RB1: variants seen among roughly 807,000 people sequenced by gnomAD.
RB1 encodes the protein RB transcriptional corepressor 1, also known as retinoblastoma-associated protein.
Under a neutral mutation model 135.4 loss-of-function variants are expected in RB1, and 18 were observed. The ratio of observed to expected loss-of-function variants is 0.13; its 90% CI spans 0.09 to 0.20. The LOEUF is 0.20. RB1 is among the 10% of genes least tolerant of loss of function. RB1 has a pLI of 1.00. For synonymous variants in RB1, 365 were observed against 373.2 expected (o/e 0.98, Z 0.25); for missense variants, 868 against 1,110.0 (o/e 0.78, Z 3.10).
chr13:48,374,538 C>G (rs966987229), intron 12 of RB1, among the ~76,000 whole-genome samples: 5 of 152,150 alleles, frequency 3.3e-5, no homozygotes, highest in African/African-American at 1.2e-4. Flanking sequence ...TCATCATGTT[C>G]GTAATTGTTT....
chr13:48,347,840 A>T lies in RB1; in HGVS notation c.516A>T (p.Ile172=), dbSNP rs1179558571. 1 of 1,595,524 alleles carries T rather than the reference A, an allele frequency of 6.3e-7. No homozygotes were observed. Among genetic ancestry groups the T allele is most frequent in the Non-Finnish European group, 8.6e-7 (1 of 1,164,330 alleles). The change falls in exon 5 of 27, where the codon ATA becomes ATT. Residue 172 remains isoleucine (I), a synonymous_variant. Transcript: ENST00000267163. ...TTCTTTTCAGGACATGTGAACTTAT[A>T]TATTTGACACAACCCAGCAGTTCGT... ...FSKLERTCEL[I]YLTQPSSSIS...
chr13:48,317,630 T>C (rs1593420508), intron 2 of RB1: 2 of 496,024 alleles, frequency 4.0e-6, no homozygotes, highest in Non-Finnish European at 6.5e-6. Context: ...ACATTTCTCC[T>C]GCTCGCTGAG....
intron 1 of RB1, among the ~76,000 whole-genome samples, chr13:48,306,040 C>CA (rs1411481486): frequency 3.3e-5 from 5 of 151,828 alleles, no homozygotes; most frequent in Admixed American, 2.6e-4. Context: ...GAGGCTGAGG[C>CA]AGGAGGATCA....
chr13:48,430,219 G>A (rs1949115276), intron 17 of RB1, among the ~76,000 whole-genome samples: 1 of 152,078 alleles, frequency 6.6e-6, no homozygotes, highest in Non-Finnish European at 1.5e-5. Context: ...ATACCCAGGG[G>A]AATTTAATGT....
chr13:48,328,176 G>T (rs1259788148), intron 2 of RB1: 23 of 1,456,690 alleles, frequency 1.6e-5, no homozygotes, highest in Non-Finnish European at 5.8e-6. Flanking sequence ...TTTATTGAAG[G>T]AGTTTGGTCC....
intron 2 of RB1, among the ~76,000 whole-genome samples, chr13:48,322,471 C>A (rs887945821): frequency 1.3e-5 from 2 of 152,118 alleles, no homozygotes; most frequent in African/African-American, 4.8e-5. Context: ...ATGTCATTTG[C>A]AAATAGAGAT....
chr13:48,361,365 A>G (rs1436421900), intron 7 of RB1, among the ~76,000 whole-genome samples: 2 of 152,132 alleles, frequency 1.3e-5, no homozygotes, highest in East Asian at 1.9e-4. Context: ...TTTCAAATGA[A>G]TACAAAAATA....
intron 9 of RB1, among the ~76,000 whole-genome samples, chr13:48,365,282 A>T (rs1307105960): frequency 6.6e-6 from 1 of 152,232 alleles, no homozygotes; most frequent in Non-Finnish European, 1.5e-5. Context: ...TAATAGCTAA[A>T]TATAAACCAT....
At chr13:48,386,761 C>T (rs898976152) in intron 17 of RB1, among the ~76,000 whole-genome samples, 6 of 152,086 alleles carry the variant, frequency 3.9e-5, no homozygotes, top group East Asian at 3.8e-4. Context: ...CTGATGAAAT[C>T]GGTGGTGATA....
In RB1 at chr13:48,373,436, A is replaced by T. The variant is rs190689977; in HGVS notation, c.1159A>T (p.Met387Leu). 6 of 1,598,432 alleles carry T rather than the reference A, an allele frequency of 3.8e-6. No individual in the cohort carries two copies. In the African/African-American group the frequency reaches 8.0e-5, roughly 21 times the overall value. Residue 387 changes from methionine (M) to leucine (L), a missense_variant, in exon 12 of 27, where the codon ATG becomes TTG. By Grantham distance (15) the Met-to-Leu change is conservative (BLOSUM62 2). Transcript: ENST00000267163. ...TVMNTIQQLM[M>L]ILNSASDQPS... ...TATGAACACTATCCAACAATTAATGATGATTTTAAATTCAGCAAGTGATCA... is the reference window on the plus strand; with the variant it reads ...TATGAACACTATCCAACAATTAATGTTGATTTTAAATTCAGCAAGTGATCA...
At chr13:48,421,883 G>A (rs902296196) in intron 17 of RB1, among the ~76,000 whole-genome samples, 17 of 152,192 alleles carry the variant, frequency 1.1e-4, no homozygotes, top group African/African-American at 1.7e-4. Context: ...TGCTGGAGAG[G>A]ATGTGGAGAA....
intron 17 of RB1, among the ~76,000 whole-genome samples, chr13:48,438,584 T>C (rs1949206489): frequency 6.6e-6 from 1 of 152,026 alleles, no homozygotes; most frequent in Admixed American, 6.6e-5. Context: ...CTGTAAACTA[T>C]AGCATAAAAG....
At position 48,480,806 on chromosome 13, in the gene RB1, T is replaced by C. The variant is rs1949534088; in HGVS notation, c.*735T>C. On this transcript the variant is annotated 3_prime_UTR_variant, in exon 27 of 27. Transcript: ENST00000267163. ...CTGATTATTTTCTTCATCCAACTTA[T>C]GTTTTTAAATGAGGATTATTGATAG... is the stretch of plus-strand genomic sequence containing the variant. 3 of 227,056 alleles carry C rather than the reference T, an allele frequency of 1.3e-5. No homozygotes were observed. Among genetic ancestry groups the C allele is most frequent in the Non-Finnish European group, 2.6e-5 (3 of 113,938 alleles). 14.1% of individuals were successfully genotyped at this position (227,056 alleles called of 1,614,324 possible).
chr13:48,465,675 CAGT>C (rs1949436851), intron 23 of RB1, among the ~76,000 whole-genome samples: 1 of 151,340 alleles, frequency 6.6e-6, no homozygotes, highest in Non-Finnish European at 1.5e-5. Flanking sequence ...GAGTGCCAGA[CAGT>C]GGGCGCAGGC....
intron 8 of RB1, among the ~76,000 whole-genome samples, 157 bp downstream of exon 8, chr13:48,363,114 A>G (rs1299959465): frequency 3.3e-5 from 5 of 152,122 alleles, no homozygotes; most frequent in Admixed American, 3.3e-4. Context: ...TTAATTCGTT[A>G]TATTTAGTTA....
intron 11 of RB1, among the ~76,000 whole-genome samples, chr13:48,372,908 A>T (rs1047259756): frequency 2.6e-5 from 4 of 152,176 alleles, no homozygotes; most frequent in African/African-American, 9.7e-5. Context: ...ATCTTAAGAG[A>T]TTGACCTAAT....
chr13:48,374,442 T>C (rs1952797624), intron 12 of RB1, among the ~76,000 whole-genome samples: 1 of 152,200 alleles, frequency 6.6e-6, no homozygotes, highest in Non-Finnish European at 1.5e-5. Flanking sequence ...AACAATTCAT[T>C]CATTGCCATA....
chr13:48,417,528 A>G (rs1948933457), intron 17 of RB1, among the ~76,000 whole-genome samples: 1 of 152,348 alleles, frequency 6.6e-6, no homozygotes, highest in South Asian at 2.1e-4. Flanking sequence ...TCTCTTCCAA[A>G]GAATCACAAC....
rs746596154 is a variant in RB1 at position 48,459,749 on chromosome 13, A to C, written c.2022A>C (p.Pro674=). The stretch of plus-strand genomic sequence containing the variant: ...GTGAACGCCTTCTGTCTGAGCACCC[A>C]GAATTAGAACATATCATCTGGACCC... ...TLCERLLSEH[P]ELEHIIWTLF... Residue 674 remains proline, a synonymous_variant, in exon 20 of 27, where the codon CCA becomes CCC. Coordinates refer to ENST00000267163, the MANE Select transcript of RB1 (RefSeq NM_000321.3). 3 of 1,614,014 alleles carry C rather than the reference A, an allele frequency of 1.9e-6. No homozygotes were observed. In the South Asian group the frequency reaches 3.3e-5, roughly 18 times the overall value.
Sources: gnomAD v4.1 joint callset for allele counts (sites outside exome capture counted in the v4.1 genomes callset) on GRCh38, gnomAD v4.1.1 for gene constraint, MANE v1.5 for transcripts, NCBI Gene and HGNC (gene_info 2026-07-23, HGNC 2026-07-21) for gene names.